Variants in PSMA8 observed in about 807,000 individuals in gnomAD.
The protein encoded by PSMA8 is proteasome subunit alpha-type 8.
Under a neutral mutation model 32.4 loss-of-function variants are expected in PSMA8, and 18 were observed. That is an observed-to-expected ratio of 0.56 (90% CI 0.38 to 0.82). PSMA8 has a LOEUF of 0.82. Ranked by LOEUF, PSMA8 falls within the 40% of genes least tolerant of loss-of-function variation. The pLI is 0.00. For missense variants in PSMA8, 298 were observed against 300.7 expected (o/e 0.99, Z 0.07); for synonymous variants, 104 against 98.1 (o/e 1.06, Z -0.36).
At chr18:26,145,323 G>A (rs932914198) in intron 2 of PSMA8, among the ~76,000 whole-genome samples, 2 of 151,986 alleles carry the variant, frequency 1.3e-5, no homozygotes, top group African/African-American at 2.4e-5. Flanking sequence ...TCTCCATGTT[G>A]GTCAGGCTGG....
intron 4 of PSMA8, among the ~76,000 whole-genome samples, chr18:26,165,303 C>T (rs1488313943): frequency 6.6e-6 from 1 of 152,150 alleles, no homozygotes; most frequent in Non-Finnish European, 1.5e-5. Context: ...TGTGTGTATG[C>T]GTGCGCACGC....
At chr18:26,164,263 C>A (rs377709488) in intron 4 of PSMA8, among the ~76,000 whole-genome samples, 1 of 151,970 alleles carries the variant, frequency 6.6e-6, no homozygotes. Flanking sequence ...CATAGTGAGG[C>A]CTTGTCTCTA....
intron 4 of PSMA8, among the ~76,000 whole-genome samples, chr18:26,177,134 G>A (rs1218438574): frequency 4.6e-5 from 7 of 152,102 alleles, no homozygotes; most frequent in African/African-American, 1.4e-4. Flanking sequence ...TAGCTCTTCT[G>A]CTTACTCTCT....
At chr18:26,142,104 A>G (rs2054963146) in intron 1 of PSMA8, among the ~76,000 whole-genome samples, 1 of 141,994 alleles carries the variant, frequency 7.0e-6, no homozygotes, top group African/African-American at 2.7e-5. Context: ...CAGTGGCACG[A>G]TCTTGGCTCA....
chr18:26,179,031 C>T, intron 5 of PSMA8, 37 bp from the exon 6 acceptor site: 1 of 1,606,014 alleles, frequency 6.2e-7, no homozygotes, highest in Non-Finnish European at 8.5e-7. Context: ...ACAAAATTTG[C>T]TGAAATAATT....
At chr18:26,185,087 C>CAA (rs772421124) in intron 6 of PSMA8, among the ~76,000 whole-genome samples, 598 of 55,346 alleles carry the variant, frequency 0.011, 9 homozygotes, top group Middle Eastern at 0.043. Flanking sequence ...AACTCCATCT[C>CAA]AAAAAAAAAA....
intron 1 of PSMA8, among the ~76,000 whole-genome samples, chr18:26,135,052 A>T (rs892980659): frequency 2.6e-5 from 4 of 152,178 alleles, no homozygotes; most frequent in Non-Finnish European, 4.4e-5. Context: ...CACTTAAAAA[A>T]TAATGCTGGA....
chr18:26,175,208 C>A (rs994568325), intron 4 of PSMA8, among the ~76,000 whole-genome samples: 1 of 152,158 alleles, frequency 6.6e-6, no homozygotes, highest in South Asian at 2.1e-4. Flanking sequence ...AGTTAGCAAG[C>A]CTTCAGATGA....
chr18:26,137,444 T>A (rs2054920651), intron 1 of PSMA8, among the ~76,000 whole-genome samples: 2 of 151,164 alleles, frequency 1.3e-5, no homozygotes, highest in Admixed American at 6.6e-5. Flanking sequence ...AGTGACAGAG[T>A]GAGAATCTGT....
At chr18:26,192,071 C>T (rs550148034) in intron 6 of PSMA8, among the ~76,000 whole-genome samples, 5 of 152,188 alleles carry the variant, frequency 3.3e-5, no homozygotes, top group South Asian at 2.1e-4. Context: ...GGATATATAA[C>T]GCAATATCAC....
At position 26,193,235 on chromosome 18, in the gene PSMA8, G is replaced by A. The variant is rs1373228389; in HGVS notation, c.*824G>A. On this transcript the variant is annotated 3_prime_UTR_variant, in exon 7 of 7. Coordinates refer to ENST00000415576, the MANE Select transcript of PSMA8 (RefSeq NM_001025096.2). ...TATGGAAGGCTTATTGGGGGAACAA[G>A]AAAAATATAAAAAGTGATCTCTGCC... The A allele has an allele frequency of 1.3e-5, 2 of 152,098 alleles. No homozygotes were observed. The highest frequency in any genetic ancestry group is 2.9e-5 in the Non-Finnish European group (2 of 67,994). The allele number at this position is 152,098 out of a possible 1,614,324, so 9.4% of individuals were successfully genotyped here.
At chr18:26,155,828 T>C (rs2055084407) in intron 3 of PSMA8, among the ~76,000 whole-genome samples, 1 of 152,200 alleles carries the variant, frequency 6.6e-6, no homozygotes, top group South Asian at 2.1e-4. Flanking sequence ...AAAAAGCTTC[T>C]GCACAGCCAA....
intron 4 of PSMA8, among the ~76,000 whole-genome samples, chr18:26,168,510 T>TA (rs1555662619): frequency 8.2e-6 from 1 of 121,648 alleles, no homozygotes; most frequent in African/African-American, 4.3e-5. Flanking sequence ...TTTTTTTTTT[T>TA]ACTTTTGCTT....
intron 4 of PSMA8, among the ~76,000 whole-genome samples, chr18:26,164,687 T>G (rs1156731999): frequency 1.3e-5 from 2 of 152,276 alleles, no homozygotes; most frequent in East Asian, 1.9e-4. Flanking sequence ...ACTAAAGAAT[T>G]TATGCAATCC....
At chr18:26,153,081 C>T (rs1258742273) in intron 3 of PSMA8, among the ~76,000 whole-genome samples, 1 of 152,140 alleles carries the variant, frequency 6.6e-6, no homozygotes, top group Non-Finnish European at 1.5e-5. Context: ...TGCAGAAATA[C>T]ATAGCTTAAC....
At chr18:26,159,789 CAGG>C (rs1333010025) in intron 4 of PSMA8, among the ~76,000 whole-genome samples, 2 of 151,784 alleles carry the variant, frequency 1.3e-5, no homozygotes, top group African/African-American at 2.4e-5. Flanking sequence ...CATGGTGGGA[CAGG>C]AGGATATAAG....
chr18:26,191,095 T>C (rs938444753), intron 6 of PSMA8, among the ~76,000 whole-genome samples: 5 of 152,164 alleles, frequency 3.3e-5, no homozygotes, highest in African/African-American at 1.2e-4. Flanking sequence ...GACCTAATCT[T>C]TAATCCTTCT....
chr18:26,187,991 TC>T (rs932498336), intron 6 of PSMA8, among the ~76,000 whole-genome samples: 68 of 152,244 alleles, frequency 4.5e-4, no homozygotes, highest in African/African-American at 1.6e-3. Context: ...TGCATTATTC[TC>T]CTCAGCATAT....
chr18:26,150,285 T>C (rs538009414), intron 2 of PSMA8, among the ~76,000 whole-genome samples: 21 of 152,230 alleles, frequency 1.4e-4, no homozygotes, highest in Non-Finnish European at 2.2e-4. Context: ...CTGTAGATTG[T>C]TTATTTTTAA....
Sources: gnomAD v4.1 joint callset for allele counts (sites outside exome capture counted in the v4.1 genomes callset) on GRCh38, gnomAD v4.1.1 for gene constraint, MANE v1.5 for transcripts, NCBI Gene and HGNC (gene_info 2026-07-23, HGNC 2026-07-21) for gene names.